Variants in MTCL2 observed in about 807,000 individuals in gnomAD.
MTCL2 encodes the protein microtubule cross-linking factor 2.
chr20:36,787,979 TC>T, the MTCL2 span, among the ~76,000 whole-genome samples: 1 of 145,882 alleles, frequency 6.9e-6, no homozygotes, highest in East Asian at 2.0e-4. Flanking sequence ...GGCAGGTGGA[TC>T]ACCTGAGGTC....
At chr20:36,794,113 C>T in the MTCL2 span, 17 of 1,551,328 alleles carry the variant, frequency 1.1e-5, no homozygotes, top group South Asian at 4.8e-5. The surrounding 1 kb of genome is among the most constrained non-coding windows in gnomAD (Gnocchi z 5.4). Flanking sequence ...CAGGCCCGGC[C>T]GCCGAGGGGC....
the MTCL2 span, chr20:36,839,539 G>A: frequency 8.3e-6 from 9 of 1,078,590 alleles, no homozygotes; most frequent in East Asian, 1.6e-4. The surrounding 1 kb of genome is among the most constrained non-coding windows in gnomAD (Gnocchi z 5.1). Context: ...CACCGTGGGG[G>A]ACCTGGATGT....
the MTCL2 span, among the ~76,000 whole-genome samples, chr20:36,811,903 C>T: frequency 6.6e-6 from 1 of 152,124 alleles, no homozygotes; most frequent in African/African-American, 2.4e-5. Flanking sequence ...GATACTCCAC[C>T]CAGTCCGTAG....
At chr20:36,845,982 G>T in the MTCL2 span, among the ~76,000 whole-genome samples, 3 of 152,148 alleles carry the variant, frequency 2.0e-5, no homozygotes, top group Non-Finnish European at 4.4e-5. Flanking sequence ...AGCTCCACTG[G>T]ACTCAGTAGG....
chr20:36,859,083 G>A, the MTCL2 span, among the ~76,000 whole-genome samples: 5 of 152,156 alleles, frequency 3.3e-5, no homozygotes, highest in African/African-American at 9.7e-5. Context: ...GAGTCACTGC[G>A]CCAGGCCCCA....
chr20:36,790,117 G>A, the MTCL2 span, among the ~76,000 whole-genome samples: 4 of 148,970 alleles, frequency 2.7e-5, no homozygotes, highest in Non-Finnish European at 3.0e-5. Flanking sequence ...TCAGCTTCCC[G>A]AGTAGCTGGG....
the MTCL2 span, among the ~76,000 whole-genome samples, chr20:36,820,753 A>T: frequency 6.6e-6 from 1 of 152,106 alleles, no homozygotes; most frequent in African/African-American, 2.4e-5. Context: ...GGGGCAGGAG[A>T]ATCGGTTGAA....
the MTCL2 span, among the ~76,000 whole-genome samples, chr20:36,844,109 G>A: frequency 5.3e-5 from 8 of 152,134 alleles, no homozygotes; most frequent in South Asian, 6.2e-4. Context: ...GGTGGTGCAC[G>A]CCTGTAATCC....
the MTCL2 span, among the ~76,000 whole-genome samples, chr20:36,841,874 G>GGGGGGTGTGTGTGTGTGT: frequency 7.2e-5 from 8 of 110,768 alleles, no homozygotes; most frequent in African/African-American, 2.6e-4. Flanking sequence ...TGGGGGGTGG[G>GGGGGGTGTGTGTGTGTGT]GTGTGTGTGT....
At chr20:36,834,987 C>T in the MTCL2 span, among the ~76,000 whole-genome samples, 3 of 151,506 alleles carry the variant, frequency 2.0e-5, no homozygotes, top group East Asian at 3.9e-4. Flanking sequence ...AGAGTGAGAC[C>T]CTGCCTTAAA....
the MTCL2 span, among the ~76,000 whole-genome samples, chr20:36,840,524 A>G: frequency 6.6e-6 from 1 of 151,620 alleles, no homozygotes; most frequent in Non-Finnish European, 1.5e-5. Context: ...AGCAACAGGA[A>G]CACACTGGGG....
At chr20:36,815,695 G>A in the MTCL2 span, 1 of 1,604,466 alleles carries the variant, frequency 6.2e-7, no homozygotes, top group Non-Finnish European at 8.5e-7. The surrounding 1 kb of genome is among the most constrained non-coding windows in gnomAD (Gnocchi z 5.3). Flanking sequence ...TTGCCGCTGA[G>A]CTCGCCGATC....
chr20:36,839,582 C>G, the MTCL2 span: 7 of 682,614 alleles, frequency 1.0e-5, no homozygotes. This position sits in a 1 kb window ranked among gnomAD's most constrained non-coding sequence, Gnocchi z 5.1. Context: ...CAAAGACGTC[C>G]ATGTTCACAT....
At chr20:36,816,165 A>G in the MTCL2 span, 2 of 1,613,778 alleles carry the variant, frequency 1.2e-6, no homozygotes, top group Non-Finnish European at 8.5e-7. Flanking sequence ...CGCGCTGTCC[A>G]GGTCCCCATA....
the MTCL2 span, among the ~76,000 whole-genome samples, chr20:36,796,603 C>T: frequency 6.6e-6 from 1 of 152,204 alleles, no homozygotes; most frequent in African/African-American, 2.4e-5. Flanking sequence ...GTTTTGTTTC[C>T]ACCTGTGTTC....
chr20:36,795,264 T>G, the MTCL2 span, among the ~76,000 whole-genome samples: 1 of 151,914 alleles, frequency 6.6e-6, no homozygotes, highest in African/African-American at 2.4e-5. Context: ...TTTTAAAAAA[T>G]TTTTTGTAGA....
At chr20:36,822,130 G>A in the MTCL2 span, among the ~76,000 whole-genome samples, 5 of 152,250 alleles carry the variant, frequency 3.3e-5, no homozygotes, top group African/African-American at 7.2e-5. Context: ...AAAACAAGGC[G>A]GGCTCAGAGT....
chr20:36,863,287 C>T, the MTCL2 span: 3 of 1,188,284 alleles, frequency 2.5e-6, no homozygotes, highest in Non-Finnish European at 3.1e-6. This position sits in a 1 kb window ranked among gnomAD's most constrained non-coding sequence, Gnocchi z 6.2. Context: ...GGCGCGGGTG[C>T]AGGCGCGGGC....
At chr20:36,860,756 T>C in the MTCL2 span, among the ~76,000 whole-genome samples, 2 of 152,206 alleles carry the variant, frequency 1.3e-5, no homozygotes, top group Non-Finnish European at 1.5e-5. Context: ...TCCAGGGCCT[T>C]TAAGTAACTT....
Sources: gnomAD v4.1 joint callset for allele counts (sites outside exome capture counted in the v4.1 genomes callset) on GRCh38, gnomAD v4.1.1 for gene constraint, Gnocchi (gnomAD v3.1) non-coding constraint, MANE v1.5 for transcripts, NCBI Gene and HGNC (gene_info 2026-07-23, HGNC 2026-07-21) for gene names.